Variants in SYT3 observed in about 807,000 individuals in gnomAD.
SYT3 encodes synaptotagmin-3.
In SYT3, 25 loss-of-function variants were observed where a neutral mutation model predicts 50.6. The ratio of observed to expected loss-of-function variants is 0.49; its 90% CI spans 0.36 to 0.69. The LOEUF is 0.69. Among genes scored for constraint, SYT3 ranks in the 30% least tolerant of loss-of-function variants. The pLI is 0.00. For missense variants in SYT3, 589 were observed against 793.6 expected, an observed-to-expected ratio of 0.74 and a Z score of 3.10; for synonymous variants, 323 against 353.9, an observed-to-expected ratio of 0.91 and a Z score of 0.98.
At chr19:50,650,491 T>C in the SYT3 span, among the ~76,000 whole-genome samples, 47 of 152,268 alleles carry the variant, frequency 3.1e-4, no homozygotes, top group Middle Eastern at 0.014. Flanking sequence ...CTGGCCAACA[T>C]GGTGAAACCC....
At chr19:50,623,461 C>G (rs1983921606) in intron 9 of SYT3, among the ~76,000 whole-genome samples, 1 of 151,976 alleles carries the variant, frequency 6.6e-6, no homozygotes, top group Non-Finnish European at 1.5e-5. Flanking sequence ...GCCCCAAATG[C>G]AGCAATCAAG....
At chr19:50,647,893 G>T in the SYT3 span, among the ~76,000 whole-genome samples, 1 of 152,198 alleles carries the variant, frequency 6.6e-6, no homozygotes, top group East Asian at 1.9e-4. Context: ...AAGACAGCTT[G>T]ATGGGAGAGA....
chr19:50,654,122 C>G, the SYT3 span, among the ~76,000 whole-genome samples: 1 of 152,042 alleles, frequency 6.6e-6, no homozygotes, highest in East Asian at 1.9e-4. Flanking sequence ...TTATGTTCGG[C>G]AGGAGAGCAC....
At chr19:50,646,080 A>G in the SYT3 span, among the ~76,000 whole-genome samples, 1 of 152,130 alleles carries the variant, frequency 6.6e-6, no homozygotes, top group Admixed American at 6.6e-5. Flanking sequence ...GCAGAGGAGG[A>G]GGGACAGTGA....
the SYT3 span, among the ~76,000 whole-genome samples, chr19:50,653,186 C>T: frequency 0.014 from 2,066 of 152,108 alleles, 28 homozygotes; most frequent in Middle Eastern, 0.051. Flanking sequence ...TACAGGTGCG[C>T]GCTACCATGC....
chr19:50,650,351 G>C, the SYT3 span, among the ~76,000 whole-genome samples: 1 of 152,220 alleles, frequency 6.6e-6, no homozygotes, highest in Non-Finnish European at 1.5e-5. Flanking sequence ...TCTCAGTGAG[G>C]ATGCATGTAA....
chr19:50,653,585 A>T, the SYT3 span, among the ~76,000 whole-genome samples: 1 of 151,744 alleles, frequency 6.6e-6, no homozygotes, highest in Non-Finnish European at 1.5e-5. Context: ...TGTGTGTGTG[A>T]GAGTGTGCAG....
rs1254839182 is a variant in SYT3 at position 50,639,724 on chromosome 19, G to C, written c.-154+66C>G. On this transcript the variant is annotated intron_variant, in intron 1 of 10. Transcript: ENST00000600079. The surrounding 1 kb of genome is among the most constrained non-coding windows in gnomAD (Gnocchi z 4.6). ...GCATCTACCCCGCCCCCATGCGCCG[G>C]GGCCGACCCCAGGGATTTGACTGGG... 1.3e-5 allele frequency: 2 copies of C among 153,168 alleles called. No homozygotes were observed. The highest frequency in any genetic ancestry group is 2.9e-5 in the Non-Finnish European group (2 of 68,406). The allele number at this position is 153,168 out of a possible 1,614,324, so 9.5% of individuals were successfully genotyped here. A position where few individuals can be genotyped will look rare whatever the true frequency, so the allele number is the denominator to read the frequency against.
chr19:50,645,673 G>A, the SYT3 span, among the ~76,000 whole-genome samples: 56 of 152,178 alleles, frequency 3.7e-4, no homozygotes, highest in Non-Finnish European at 7.1e-4. Context: ...GAGCTCAAGA[G>A]TTCAAGACCA....
upstream of SYT3, among the ~76,000 whole-genome samples, chr19:50,642,822 G>A (rs1343221615): frequency 1.3e-5 from 2 of 152,064 alleles, no homozygotes; most frequent in East Asian, 1.9e-4. Context: ...CAACAAGAGT[G>A]AAACTCTGTC....
At chr19:50,647,390 C>T in the SYT3 span, among the ~76,000 whole-genome samples, 5 of 151,618 alleles carry the variant, frequency 3.3e-5, no homozygotes, top group East Asian at 2.0e-4. Context: ...GAGGATGGGG[C>T]GGCCAGGAGG....
At chr19:50,653,426 G>A in the SYT3 span, among the ~76,000 whole-genome samples, 7 of 152,068 alleles carry the variant, frequency 4.6e-5, no homozygotes, top group African/African-American at 7.2e-5. Flanking sequence ...ACTTGAGGAG[G>A]GGATGGCTGT....
intron 3 of SYT3, among the ~76,000 whole-genome samples, chr19:50,635,153 C>G (rs1203044259): frequency 6.6e-6 from 1 of 151,964 alleles, no homozygotes; most frequent in East Asian, 1.9e-4. Flanking sequence ...TGTGATCCGC[C>G]CACCTCAGCC....
intron 6 of SYT3, among the ~76,000 whole-genome samples, chr19:50,629,084 A>G (rs577285363): frequency 1.3e-5 from 2 of 152,126 alleles, no homozygotes; most frequent in South Asian, 4.2e-4. Context: ...TGGCCTCCCA[A>G]AGTGCTGGGA....
At chr19:50,655,511 T>C in the SYT3 span, among the ~76,000 whole-genome samples, 1 of 151,858 alleles carries the variant, frequency 6.6e-6, no homozygotes, top group Non-Finnish European at 1.5e-5. Flanking sequence ...TAGCTGGGCG[T>C]GGTAGCGGGT....
At chr19:50,639,902 C>G (rs1048335467), upstream of SYT3, 6 of 153,062 alleles carry the variant, frequency 3.9e-5, no homozygotes, top group Admixed American at 2.0e-4. The surrounding 1 kb of genome is among the most constrained non-coding windows in gnomAD (Gnocchi z 4.6). Flanking sequence ...CGCGGCTCCT[C>G]CCCCTGCACC....
At chr19:50,627,079 C>T (rs976282823) in intron 6 of SYT3, among the ~76,000 whole-genome samples, 1 of 152,150 alleles carries the variant, frequency 6.6e-6, no homozygotes, top group Non-Finnish European at 1.5e-5. Context: ...CAGGACTGCC[C>T]CCAACCCTGA....
chr19:50,649,273 G>A, the SYT3 span, among the ~76,000 whole-genome samples: 1 of 152,044 alleles, frequency 6.6e-6, no homozygotes, highest in African/African-American at 2.4e-5. Context: ...CTGAGGTCAG[G>A]GGAACCCAGA....
chr19:50,656,077 C>CAGAGG, the SYT3 span: 1 of 1,536,148 alleles, frequency 6.5e-7, no homozygotes, highest in South Asian at 1.2e-5. Context: ...CTGGAGACCC[C>CAGAGG]AGAGGAGATG....
Sources: gnomAD v4.1 joint callset for allele counts (sites outside exome capture counted in the v4.1 genomes callset) on GRCh38, gnomAD v4.1.1 for gene constraint, Gnocchi (gnomAD v3.1) non-coding constraint, MANE v1.5 for transcripts, NCBI Gene and HGNC (gene_info 2026-07-23, HGNC 2026-07-21) for gene names.